MGAT5: variants seen among roughly 807,000 people sequenced by gnomAD.
The protein encoded by MGAT5 is alpha-1,6-mannosylglycoprotein 6-beta-N-acetylglucosaminyltransferase, also known as alpha-1,6-mannosylglycoprotein 6-beta-N-acetylglucosaminyltransferase A.
A neutral mutation model predicts 94.3 loss-of-function variants in MGAT5; 30 were observed. The observed-to-expected ratio is 0.32, with a 90% CI of 0.24 to 0.43. The LOEUF (loss-of-function observed/expected upper bound fraction) is 0.43. Among genes scored for constraint, MGAT5 ranks in the 20% least tolerant of loss-of-function variants. The pLI, the probability that MGAT5 is intolerant of heterozygous loss-of-function variation, is 1.00. For synonymous variants in MGAT5, 310 were observed against 322.9 expected (o/e 0.96, Z 0.43); for missense variants, 691 against 905.5 (o/e 0.76, Z 3.04).
intron 10 of MGAT5, among the ~76,000 whole-genome samples, chr2:134,396,557 T>C (rs1313048498): frequency 6.6e-6 from 1 of 152,218 alleles, no homozygotes; most frequent in Non-Finnish European, 1.5e-5. Flanking sequence ...TCTTTTTATT[T>C]TGTTTTTGAT....
At chr2:134,168,466 C>T (rs1688054719) in intron 1 of MGAT5, among the ~76,000 whole-genome samples, 1 of 152,176 alleles carries the variant, frequency 6.6e-6, no homozygotes, top group South Asian at 2.1e-4. Context: ...TTGAGTGAAT[C>T]TAAACCTATT....
intron 1 of MGAT5, among the ~76,000 whole-genome samples, chr2:134,264,829 G>A (rs1409413116): frequency 6.6e-6 from 1 of 152,178 alleles, no homozygotes; most frequent in African/African-American, 2.4e-5. Context: ...GCTGCTCTGT[G>A]GCTCTGTTGT....
chr2:134,389,371 A>G (rs1682254578), intron 10 of MGAT5, among the ~76,000 whole-genome samples: 2 of 152,208 alleles, frequency 1.3e-5, no homozygotes, highest in Non-Finnish European at 2.9e-5. Context: ...AAGTCATCTC[A>G]GGAAACAGAC....
intron 14 of MGAT5, among the ~76,000 whole-genome samples, chr2:134,440,316 T>A (rs1685413146): frequency 6.6e-6 from 1 of 152,204 alleles, no homozygotes; most frequent in Non-Finnish European, 1.5e-5. Flanking sequence ...TTTGCTATAA[T>A]GTTTAGAATG....
intron 10 of MGAT5, among the ~76,000 whole-genome samples, chr2:134,363,324 C>T (rs1032879263): frequency 1.3e-5 from 2 of 152,122 alleles, no homozygotes; most frequent in Non-Finnish European, 2.9e-5. Flanking sequence ...CTTGGTACTG[C>T]TTTTCTGACC....
chr2:134,134,420 T>C (rs1183849897), intron 1 of MGAT5, among the ~76,000 whole-genome samples: 2 of 152,190 alleles, frequency 1.3e-5, no homozygotes, highest in African/African-American at 2.4e-5. Context: ...CCACAAATCC[T>C]TGTTGCTCTC....
rs58073087 is a variant in MGAT5 at position 134,147,595 on chromosome 2, T to TAAA, written c.-143+27317_-143+27319dup. Among the ~76,000 whole-genome samples, 93 of 111,822 alleles carry TAAA rather than the reference T, an allele frequency of 8.3e-4. 1 individual carries two copies. The highest frequency in any genetic ancestry group is 5.1e-3 in the Middle Eastern group (1 of 198). The allele number at this position is 111,822 out of a possible 152,430, so 73.4% of individuals were successfully genotyped here. The stretch of plus-strand genomic sequence containing the variant: ...TCTTGAAGGAGCCTTACAGAGTTAA[T>TAAA]AAAAAAAAAAAAAAAGAAAAGAAAA... On this transcript the variant is annotated intron_variant, in intron 1 of 16. Transcript: ENST00000409645.
chr2:134,432,197 G>A (rs1028090831), intron 14 of MGAT5, among the ~76,000 whole-genome samples: 2 of 152,150 alleles, frequency 1.3e-5, no homozygotes, highest in Non-Finnish European at 2.9e-5. Context: ...GGCAATTTCA[G>A]ATTGATTTAT....
intron 1 of MGAT5, among the ~76,000 whole-genome samples, chr2:134,131,339 C>A (rs910819456): frequency 6.6e-6 from 1 of 152,184 alleles, no homozygotes; most frequent in Non-Finnish European, 1.5e-5. Context: ...GTGGGGAAAC[C>A]GAGGTGCAAA....
At chr2:134,336,111 A>G in intron 4 of MGAT5, 106 bp from the exon 5 acceptor site, 1 of 838,822 alleles carries the variant, frequency 1.2e-6, no homozygotes, top group Non-Finnish European at 1.9e-6. Flanking sequence ...AATAGCACAT[A>G]TTAATATAGT....
At chr2:134,238,015 C>T (rs190902363) in intron 1 of MGAT5, among the ~76,000 whole-genome samples, 1 of 152,164 alleles carries the variant, frequency 6.6e-6, no homozygotes, top group Non-Finnish European at 1.5e-5. Context: ...TCCCAAAGTG[C>T]TGGGATTACA....
At chr2:134,397,944 C>T (rs1277205722) in intron 10 of MGAT5, among the ~76,000 whole-genome samples, 2 of 152,086 alleles carry the variant, frequency 1.3e-5, no homozygotes, top group Admixed American at 1.3e-4. Flanking sequence ...TGGTTCTGGT[C>T]AATGCATACT....
chr2:134,319,345 T>G (rs1400704942), intron 4 of MGAT5, among the ~76,000 whole-genome samples: 1 of 152,152 alleles, frequency 6.6e-6, no homozygotes, highest in East Asian at 1.9e-4. Flanking sequence ...GTTTTTTGAA[T>G]AATACAAATT....
At chr2:134,273,273 C>A (rs1558750588) in intron 2 of MGAT5, among the ~76,000 whole-genome samples, 2 of 152,310 alleles carry the variant, frequency 1.3e-5, no homozygotes, top group Non-Finnish European at 2.9e-5. Context: ...CTTTTCTGCC[C>A]TCTCTCTGAT....
At chr2:134,309,532 G>A (rs1322306080) in intron 2 of MGAT5, among the ~76,000 whole-genome samples, 1 of 152,076 alleles carries the variant, frequency 6.6e-6, no homozygotes, top group African/African-American at 2.4e-5. Context: ...ACCTCATTGT[G>A]CTCTTGATTT....
chr2:134,436,812 A>G (rs1685186016), intron 14 of MGAT5, among the ~76,000 whole-genome samples: 1 of 152,156 alleles, frequency 6.6e-6, no homozygotes, highest in Admixed American at 6.5e-5. Flanking sequence ...ACTATCTGTT[A>G]GCCTCACTCT....
chr2:134,199,754 T>C (rs1460713908), intron 1 of MGAT5, among the ~76,000 whole-genome samples: 3 of 152,174 alleles, frequency 2.0e-5, no homozygotes, highest in Non-Finnish European at 4.4e-5. Context: ...TATTTGAACC[T>C]TCAACTGTGG....
intron 1 of MGAT5, among the ~76,000 whole-genome samples, chr2:134,168,362 G>C (rs951953747): frequency 7.2e-5 from 11 of 152,286 alleles, no homozygotes; most frequent in African/African-American, 2.4e-4. Context: ...AGTGAGTTGG[G>C]ACAGATTTTG....
chr2:134,164,510 G>A (rs914978672), intron 1 of MGAT5, among the ~76,000 whole-genome samples: 2 of 152,104 alleles, frequency 1.3e-5, no homozygotes, highest in Admixed American at 1.3e-4. Context: ...GGTTCTGCTT[G>A]TCTGTGGGGC....
Sources: gnomAD v4.1 joint callset for allele counts (sites outside exome capture counted in the v4.1 genomes callset) on GRCh38, gnomAD v4.1.1 for gene constraint, MANE v1.5 for transcripts, NCBI Gene and HGNC (gene_info 2026-07-23, HGNC 2026-07-21) for gene names.